EBF2: variants seen among roughly 807,000 people sequenced by gnomAD.
EBF2 encodes the protein transcription factor COE2.
Under a neutral mutation model 72.8 loss-of-function variants are expected in EBF2, and 21 were observed. The observed-to-expected ratio is 0.29, with a 90% CI of 0.20 to 0.42. The LOEUF is 0.42. EBF2 is among the 10% of genes least tolerant of loss of function. The probability of loss-of-function intolerance (pLI) is 1.00; values close to 1 mark genes in which losing one functional copy is unlikely to be tolerated. For synonymous variants in EBF2, 299 were observed against 274.2 expected, an observed-to-expected ratio of 1.09 and a Z score of -0.89; for missense variants, 637 against 731.2, an observed-to-expected ratio of 0.87 and a Z score of 1.49.
At chr8:25,925,968 T>G (rs995488406) in intron 6 of EBF2, among the ~76,000 whole-genome samples, 2 of 152,188 alleles carry the variant, frequency 1.3e-5, no homozygotes, top group African/African-American at 4.8e-5. Flanking sequence ...GCGACTGATA[T>G]GTGCAGGTAC....
At chr8:26,030,929 G>A (rs1485761007) in intron 6 of EBF2, among the ~76,000 whole-genome samples, 1 of 152,132 alleles carries the variant, frequency 6.6e-6, no homozygotes, top group Non-Finnish European at 1.5e-5. Flanking sequence ...ACTTTCTTTT[G>A]TACATGTAAT....
chr8:25,969,222 A>G (rs913591802), intron 6 of EBF2, among the ~76,000 whole-genome samples: 1 of 152,208 alleles, frequency 6.6e-6, no homozygotes, highest in African/African-American at 2.4e-5. Context: ...AACTCCATCA[A>G]TGAGAGTTAA....
chr8:25,926,173 G>A (rs1217245626), intron 6 of EBF2, among the ~76,000 whole-genome samples: 1 of 152,092 alleles, frequency 6.6e-6, no homozygotes, highest in Non-Finnish European at 1.5e-5. Context: ...CCAGGTACCA[G>A]TGGGCCACAA....
intron 11 of EBF2, 138 bp downstream of exon 11, chr8:25,862,571 T>G: frequency 2.1e-6 from 1 of 469,348 alleles, no homozygotes; most frequent in East Asian, 3.4e-5. Flanking sequence ...GCAGATATTT[T>G]ATGTGCATCT....
At chr8:26,025,082 A>G (rs2117248627) in intron 6 of EBF2, among the ~76,000 whole-genome samples, 1 of 152,272 alleles carries the variant, frequency 6.6e-6, no homozygotes, top group African/African-American at 2.4e-5. Context: ...CTAGGTCTTG[A>G]AAAAGGGATA....
At chr8:25,958,554 C>T (rs1371028302) in intron 6 of EBF2, among the ~76,000 whole-genome samples, 1 of 152,166 alleles carries the variant, frequency 6.6e-6, no homozygotes, top group East Asian at 1.9e-4. Context: ...TGCCAAATCC[C>T]CATTTCCTGC....
At chr8:25,860,150 C>T (rs937131912) in intron 13 of EBF2, among the ~76,000 whole-genome samples, 2 of 152,156 alleles carry the variant, frequency 1.3e-5, no homozygotes, top group Non-Finnish European at 2.9e-5. Flanking sequence ...AAAAATGATT[C>T]GTGACAGATT....
At chr8:25,938,636 A>G (rs1399930075) in intron 6 of EBF2, among the ~76,000 whole-genome samples, 1 of 152,106 alleles carries the variant, frequency 6.6e-6, no homozygotes, top group Non-Finnish European at 1.5e-5. Context: ...GATGGAAGGG[A>G]CCACTGTTTT....
intron 6 of EBF2, among the ~76,000 whole-genome samples, chr8:25,916,541 G>A (rs1008118903): frequency 2.6e-5 from 4 of 151,734 alleles, no homozygotes; most frequent in South Asian, 2.1e-4. Context: ...GAGCTGTCAC[G>A]AATTTAAATC....
At chr8:25,981,911 G>A (rs1464357235) in intron 6 of EBF2, among the ~76,000 whole-genome samples, 1 of 152,030 alleles carries the variant, frequency 6.6e-6, no homozygotes, top group Admixed American at 6.6e-5. Context: ...AAAATAATCT[G>A]ACAGTTAAAT....
At chr8:25,955,598 A>G (rs1415606281) in intron 6 of EBF2, among the ~76,000 whole-genome samples, 2 of 152,224 alleles carry the variant, frequency 1.3e-5, no homozygotes, top group Admixed American at 1.3e-4. Context: ...CACATTTTCT[A>G]TACTTTTATA....
intron 7 of EBF2, among the ~76,000 whole-genome samples, chr8:25,899,227 G>A (rs557577375): frequency 3.3e-5 from 5 of 150,330 alleles, no homozygotes; most frequent in African/African-American, 9.8e-5. Flanking sequence ...AAGATCCTCC[G>A]ACCCTCCACA....
At chr8:25,854,921 T>G (rs1802056220) in intron 14 of EBF2, among the ~76,000 whole-genome samples, 1 of 152,210 alleles carries the variant, frequency 6.6e-6, no homozygotes. Context: ...GTATGGATTC[T>G]GTCCCAAACT....
Position 25,844,621 on chromosome 8 carries a change from TACA to T in EBF2, c.1713_1715del (p.Val572del), listed in dbSNP as rs756654654. 33 of 1,613,856 alleles carry T rather than the reference TACA, an allele frequency of 2.0e-5. No homozygotes were observed. The highest frequency in any genetic ancestry group is 5.3e-5 in the African/African-American group (4 of 74,884). Reference sequence around the variant, plus strand: ...AAGCAGTTCTTCTTTACATCGGGGGTACAACAAGTCCGGTCATGGCTGCAAGGA... The same window carrying T: ...AAGCAGTTCTTCTTTACATCGGGGGTACAAGTCCGGTCATGGCTGCAAGGA... On this transcript the variant is annotated inframe_deletion, in exon 16 of 16. Coordinates refer to ENST00000520164, the MANE Select transcript of EBF2 (RefSeq NM_022659.4).
chr8:25,871,841 G>A (rs1192344947), intron 10 of EBF2, among the ~76,000 whole-genome samples: 1 of 151,910 alleles, frequency 6.6e-6, no homozygotes, highest in Non-Finnish European at 1.5e-5. Flanking sequence ...TATAATATAT[G>A]AGATTACTTA....
At chr8:25,881,791 G>A (rs772863924) in intron 10 of EBF2, among the ~76,000 whole-genome samples, 9 of 152,244 alleles carry the variant, frequency 5.9e-5, no homozygotes, top group Admixed American at 1.3e-4. Flanking sequence ...ACACATCAGC[G>A]GAGGAACACC....
chr8:25,976,420 G>A lies in EBF2; in HGVS notation c.551+56665C>T, dbSNP rs145575816. Among the ~76,000 whole-genome samples, 467 of 152,246 alleles carry A rather than the reference G, an allele frequency of 3.1e-3. 5 individuals are homozygous for A. The highest frequency in any genetic ancestry group is 0.017 in the Admixed American group (257 of 15,298). On this transcript the variant is annotated intron_variant, in intron 6 of 15. Transcript: ENST00000520164. Reference sequence around the variant, plus strand: ...TATAGAACCCAAACTACCATTCACCGTCTTTAGAGTCACTCATAACATTCT... The same window carrying A: ...TATAGAACCCAAACTACCATTCACCATCTTTAGAGTCACTCATAACATTCT...
chr8:26,019,325 C>T (rs367671032), intron 6 of EBF2, among the ~76,000 whole-genome samples: 2 of 151,996 alleles, frequency 1.3e-5, no homozygotes, highest in South Asian at 4.2e-4. Context: ...GCTTTGGCAT[C>T]CCCAAGAAGC....
intron 5 of EBF2, among the ~76,000 whole-genome samples, chr8:26,038,586 A>T (rs1805544419): frequency 2.0e-5 from 3 of 152,230 alleles, no homozygotes; most frequent in African/African-American, 7.2e-5. Flanking sequence ...CCTCCCTTCA[A>T]CTAACCAACC....
Sources: gnomAD v4.1 joint callset for allele counts (sites outside exome capture counted in the v4.1 genomes callset) on GRCh38, gnomAD v4.1.1 for gene constraint, MANE v1.5 for transcripts, NCBI Gene and HGNC (gene_info 2026-07-23, HGNC 2026-07-21) for gene names.